FBXW7: variants seen among roughly 807,000 people sequenced by gnomAD.
The protein encoded by FBXW7 is F-box and WD repeat domain containing 7.
FBXW7 carries 11 observed loss-of-function variants against 86.3 expected under a neutral mutation model. That is an observed-to-expected ratio of 0.13 (90% CI 0.08 to 0.21). The LOEUF (loss-of-function observed/expected upper bound fraction) is 0.21, where lower values mean the gene tolerates loss of function less well. FBXW7 is among the 10% of genes least tolerant of loss of function. The probability of loss-of-function intolerance (pLI) is 1.00; values close to 1 mark genes in which losing one functional copy is unlikely to be tolerated. For missense variants in FBXW7, 488 were observed against 847.4 expected, an observed-to-expected ratio of 0.58 and a Z score of 5.27; for synonymous variants, 313 against 297.9, an observed-to-expected ratio of 1.05 and a Z score of -0.52.
chr4:152,400,469 G>T (rs549183122), intron 4 of FBXW7, among the ~76,000 whole-genome samples: 2 of 152,004 alleles, frequency 1.3e-5, no homozygotes, highest in African/African-American at 2.4e-5. Flanking sequence ...AGCCTCTCGG[G>T]TTGCTAAGAT....
At chr4:152,433,006 T>G (rs532731331) in intron 2 of FBXW7, among the ~76,000 whole-genome samples, 3 of 152,342 alleles carry the variant, frequency 2.0e-5, no homozygotes, top group African/African-American at 7.2e-5. Context: ...TTTGTTGTCT[T>G]TTTCCTTAAT....
intron 2 of FBXW7, among the ~76,000 whole-genome samples, chr4:152,458,574 G>A (rs1403051864): frequency 6.6e-6 from 1 of 152,166 alleles, no homozygotes; most frequent in African/African-American, 2.4e-5. Context: ...AGCCAATATT[G>A]TATCAGACAA....
At chr4:152,349,705 A>G (rs1731617831) in intron 5 of FBXW7, among the ~76,000 whole-genome samples, 2 of 152,010 alleles carry the variant, frequency 1.3e-5, no homozygotes, top group East Asian at 1.9e-4. Flanking sequence ...TGTCTACCCT[A>G]GAACAGCTGT....
chr4:152,515,820 T>C (rs1232162126), intron 2 of FBXW7, among the ~76,000 whole-genome samples: 2 of 151,928 alleles, frequency 1.3e-5, no homozygotes, highest in African/African-American at 4.8e-5. Context: ...TAATTCAACA[T>C]TTTTTCTTCC....
chr4:152,383,065 T>C (rs1157058563), intron 4 of FBXW7, among the ~76,000 whole-genome samples: 2 of 152,172 alleles, frequency 1.3e-5, no homozygotes, highest in East Asian at 3.8e-4. Context: ...TTCAGATTAA[T>C]CTTTGTACCA....
At chr4:152,386,202 A>C (rs890991288) in intron 4 of FBXW7, among the ~76,000 whole-genome samples, 2 of 152,084 alleles carry the variant, frequency 1.3e-5, no homozygotes, top group African/African-American at 4.8e-5. Context: ...AAAAACAGAC[A>C]AGCTCTTTTA....
At chr4:152,326,572 A>T (rs1245767763) in intron 11 of FBXW7, among the ~76,000 whole-genome samples, 4 of 152,098 alleles carry the variant, frequency 2.6e-5, no homozygotes, top group African/African-American at 9.7e-5. Context: ...TATATACAAT[A>T]AGATTTTGAT....
chr4:152,428,919 C>T (rs968426314), intron 2 of FBXW7, among the ~76,000 whole-genome samples: 1 of 152,040 alleles, frequency 6.6e-6, no homozygotes, highest in Non-Finnish European at 1.5e-5. Context: ...ACACTTTGGC[C>T]GGGCTCATGC....
chr4:152,417,345 T>C (rs1287828783), intron 2 of FBXW7, among the ~76,000 whole-genome samples: 2 of 152,178 alleles, frequency 1.3e-5, no homozygotes, highest in East Asian at 1.9e-4. Flanking sequence ...TTCTAGCTAG[T>C]TGCAGATGTA....
intron 2 of FBXW7, among the ~76,000 whole-genome samples, chr4:152,527,466 T>C (rs2149741296): frequency 6.6e-6 from 1 of 152,264 alleles, no homozygotes; most frequent in Middle Eastern, 3.4e-3. Context: ...TAAAAGGCTG[T>C]TAAAAAATAC....
chr4:152,349,984 T>G (rs1266865515), intron 5 of FBXW7, 58 bp downstream of exon 5: 3 of 974,296 alleles, frequency 3.1e-6, no homozygotes, highest in Non-Finnish European at 4.6e-6. Flanking sequence ...CTAAAACACT[T>G]TCAGAATCAA....
chr4:152,466,668 C>A (rs1053442863), intron 2 of FBXW7, among the ~76,000 whole-genome samples: 3 of 152,038 alleles, frequency 2.0e-5, no homozygotes, highest in African/African-American at 4.8e-5. Context: ...CTGGGTTGGG[C>A]GTGGTGGCTC....
intron 4 of FBXW7, among the ~76,000 whole-genome samples, chr4:152,383,084 A>G (rs1735235419): frequency 6.6e-6 from 1 of 152,154 alleles, no homozygotes; most frequent in Non-Finnish European, 1.5e-5. Context: ...CAGAGTTTTC[A>G]ATTGTCAATC....
At chr4:152,495,305 G>A (rs894307386) in intron 2 of FBXW7, among the ~76,000 whole-genome samples, 2 of 152,028 alleles carry the variant, frequency 1.3e-5, no homozygotes, top group Non-Finnish European at 2.9e-5. Context: ...GCTGGGTATG[G>A]TGGCACACAC....
intron 2 of FBXW7, among the ~76,000 whole-genome samples, chr4:152,502,646 G>A (rs1379621881): frequency 6.6e-6 from 1 of 151,718 alleles, no homozygotes. Flanking sequence ...TAAAAAGAAG[G>A]CATTACAGCA....
chr4:152,531,456 A>G (rs948345189), intron 2 of FBXW7, among the ~76,000 whole-genome samples: 1 of 152,130 alleles, frequency 6.6e-6, no homozygotes, highest in Non-Finnish European at 1.5e-5. Flanking sequence ...GTGTGAATAT[A>G]TATTTCCTTC....
intron 2 of FBXW7, chr4:152,530,559 C>G (rs1213494891): frequency 6.6e-6 from 1 of 152,214 alleles, no homozygotes; most frequent in Non-Finnish European, 1.5e-5. Context: ...GATGGTATCA[C>G]CCCGACCCTC....
chr4:152,470,041 G>A (rs968364896), intron 2 of FBXW7, among the ~76,000 whole-genome samples: 2 of 152,068 alleles, frequency 1.3e-5, no homozygotes, highest in South Asian at 4.1e-4. Context: ...CAACTTCAGA[G>A]TTACACCTAC....
At chr4:152,517,652 G>C (rs546722805) in intron 2 of FBXW7, among the ~76,000 whole-genome samples, 1 of 152,286 alleles carries the variant, frequency 6.6e-6, no homozygotes, top group South Asian at 2.1e-4. Flanking sequence ...ATAAAATAGG[G>C]ATATTAACAA....
Sources: allele counts gnomAD v4.1 joint callset (sites outside exome capture counted in the v4.1 genomes callset), GRCh38; gene constraint gnomAD v4.1.1; transcripts MANE v1.5; gene names NCBI Gene and HGNC (gene_info 2026-07-23, HGNC 2026-07-21).